RIT2: variants seen among roughly 807,000 people sequenced by gnomAD.
RIT2 encodes GTP-binding protein Rit2.
A neutral mutation model predicts 23.7 loss-of-function variants in RIT2; 24 were observed. That is an observed-to-expected ratio of 1.01 (90% CI 0.73 to 1.43). The LOEUF (loss-of-function observed/expected upper bound fraction) is 1.43. Ranked by LOEUF, RIT2 falls within the 40% of genes most tolerant of loss-of-function variation. RIT2 has a pLI of 0.00. For missense variants in RIT2, 236 were observed against 266.9 expected (o/e 0.88, Z 0.81); for synonymous variants, 107 against 91.1 (o/e 1.17, Z -0.99).
intron 4 of RIT2, among the ~76,000 whole-genome samples, chr18:42,910,017 A>T (rs1908725451): frequency 6.6e-6 from 1 of 152,154 alleles, no homozygotes; most frequent in African/African-American, 2.4e-5. Flanking sequence ...AATTGAAGTA[A>T]GGTTTTTATA....
intron 3 of RIT2, among the ~76,000 whole-genome samples, chr18:42,948,468 T>C (rs905411660): frequency 6.6e-6 from 1 of 152,038 alleles, no homozygotes; most frequent in Admixed American, 6.6e-5. Context: ...TGTCTTGTTA[T>C]AGAATTAGTA....
intron 4 of RIT2, among the ~76,000 whole-genome samples, chr18:42,903,087 C>T (rs1262819158): frequency 6.6e-6 from 1 of 151,904 alleles, no homozygotes; most frequent in Non-Finnish European, 1.5e-5. Context: ...ACGTAATATA[C>T]TCACATGCTT....
chr18:42,865,239 C>T (rs1467877277), intron 4 of RIT2, among the ~76,000 whole-genome samples: 1 of 152,180 alleles, frequency 6.6e-6, no homozygotes. Context: ...CATAGCTGGC[C>T]ATCCCAATGT....
At chr18:42,888,901 G>T (rs1184485230) in intron 4 of RIT2, among the ~76,000 whole-genome samples, 1 of 152,020 alleles carries the variant, frequency 6.6e-6, no homozygotes, top group African/African-American at 2.4e-5. Flanking sequence ...AGACACTGTG[G>T]ACTTCTGGAA....
At position 43,064,008 on chromosome 18, in the gene RIT2, A is replaced by G. The variant is rs1333777114; in HGVS notation, c.104-30141T>C. Among the ~76,000 whole-genome samples the G allele has an allele frequency of 3.9e-5, 6 of 152,290 alleles. No individual in the cohort carries two copies. The East Asian group carries it at 1.2e-3, about 29-fold the overall frequency. On this transcript the variant is annotated intron_variant, in intron 1 of 4. Coordinates refer to ENST00000326695, the MANE Select transcript of RIT2 (RefSeq NM_002930.4). ...AAAAATTTACGTCCAGAGAAGGTAA[A>G]GGATTTGATTAGAGACTAAGAAGTT...
chr18:42,743,928 T>G (rs983305434), intron 4 of RIT2, among the ~76,000 whole-genome samples: 1 of 152,134 alleles, frequency 6.6e-6, no homozygotes, highest in Non-Finnish European at 1.5e-5. Flanking sequence ...CTTAACTGAT[T>G]ACATTCCACC....
chr18:42,946,846 G>T (rs1287108401), intron 3 of RIT2, among the ~76,000 whole-genome samples: 1 of 151,898 alleles, frequency 6.6e-6, no homozygotes, highest in African/African-American at 2.4e-5. Flanking sequence ...AATATGAAAG[G>T]TCACTTTCAG....
At chr18:42,915,248 A>C (rs1369261879) in intron 4 of RIT2, among the ~76,000 whole-genome samples, 1 of 151,966 alleles carries the variant, frequency 6.6e-6, no homozygotes, top group Non-Finnish European at 1.5e-5. Flanking sequence ...AATTTTCCAC[A>C]AATGTTAGGG....
chr18:42,859,160 A>G (rs1012364561), intron 4 of RIT2, among the ~76,000 whole-genome samples: 12 of 152,290 alleles, frequency 7.9e-5, no homozygotes, highest in Non-Finnish European at 1.5e-4. Context: ...ACACCATTTT[A>G]AAATCTCACC....
chr18:43,069,040 G>A (rs62092702), intron 1 of RIT2, among the ~76,000 whole-genome samples: 47,900 of 151,924 alleles, frequency 0.32, 7,830 homozygotes, highest in East Asian at 0.44. Flanking sequence ...TACTAAACAG[G>A]TCCAGACTCA....
At chr18:42,897,427 T>C (rs906339979) in intron 4 of RIT2, among the ~76,000 whole-genome samples, 1 of 152,150 alleles carries the variant, frequency 6.6e-6, no homozygotes, top group Non-Finnish European at 1.5e-5. Flanking sequence ...GAATGCCTTA[T>C]AACTCTGTGA....
intron 2 of RIT2, among the ~76,000 whole-genome samples, chr18:43,011,218 A>G (rs951581157): frequency 6.6e-6 from 1 of 151,788 alleles, no homozygotes; most frequent in African/African-American, 2.4e-5. Flanking sequence ...GTGATCAAGG[A>G]GGAGCAGGAA....
chr18:42,944,234 C>T (rs554947852), intron 3 of RIT2, among the ~76,000 whole-genome samples: 22 of 152,158 alleles, frequency 1.4e-4, no homozygotes, highest in Non-Finnish European at 2.8e-4. Context: ...TCATACCACT[C>T]CAGCCACACT....
At chr18:43,077,520 C>T (rs905736720) in intron 1 of RIT2, among the ~76,000 whole-genome samples, 1 of 152,064 alleles carries the variant, frequency 6.6e-6, no homozygotes, top group Admixed American at 6.6e-5. Context: ...AACTTGAAAT[C>T]TTATCTGTTT....
chr18:42,961,858 C>G (rs954986170), intron 3 of RIT2, among the ~76,000 whole-genome samples: 2 of 152,196 alleles, frequency 1.3e-5, no homozygotes, highest in African/African-American at 4.8e-5. Flanking sequence ...AAGTGGTATT[C>G]TCTCAGAGGA....
chr18:42,845,344 C>T (rs867827566), intron 4 of RIT2, among the ~76,000 whole-genome samples: 9 of 151,662 alleles, frequency 5.9e-5, no homozygotes, highest in Middle Eastern at 3.4e-3. Context: ...CAAATGAAGA[C>T]AGTCCAAATA....
intron 4 of RIT2, among the ~76,000 whole-genome samples, chr18:42,793,968 TAC>T (rs1469403225): frequency 2.6e-5 from 4 of 152,144 alleles, no homozygotes; most frequent in Non-Finnish European, 5.9e-5. Flanking sequence ...CCAAATCCCT[TAC>T]AATTTCTCAT....
At chr18:43,005,888 C>T (rs111873730) in intron 2 of RIT2, among the ~76,000 whole-genome samples, 4,577 of 151,780 alleles carry the variant, frequency 0.03, 234 homozygotes, top group African/African-American at 0.1. Context: ...AGAATAGTAG[C>T]TGCAACTGAG....
intron 2 of RIT2, among the ~76,000 whole-genome samples, chr18:43,012,483 G>A (rs1444235603): frequency 6.6e-6 from 1 of 151,530 alleles, no homozygotes; most frequent in African/African-American, 2.4e-5. Context: ...GAGGATCTAA[G>A]AGAAAATAAC....
Sources: gnomAD v4.1 joint callset for allele counts (sites outside exome capture counted in the v4.1 genomes callset) on GRCh38, gnomAD v4.1.1 for gene constraint, MANE v1.5 for transcripts, NCBI Gene and HGNC (gene_info 2026-07-23, HGNC 2026-07-21) for gene names.